Variants in NCKAP5 observed in about 807,000 individuals in gnomAD.
The protein encoded by NCKAP5 is NCK associated protein 5.
Under a neutral mutation model 167.0 loss-of-function variants are expected in NCKAP5, and 92 were observed. The observed-to-expected ratio is 0.55, with a 90% confidence interval of 0.47 to 0.66. The LOEUF is 0.66. Ranked by LOEUF, NCKAP5 falls within the 30% of genes least tolerant of loss-of-function variation. The pLI is 0.00. For synonymous variants in NCKAP5, 891 were observed against 877.4 expected (o/e 1.02, Z -0.27); for missense variants, 2,378 against 2,315.0 (o/e 1.03, Z -0.56).
At chr2:133,599,806 G>T in the NCKAP5 span, among the ~76,000 whole-genome samples, 1 of 152,212 alleles carries the variant, frequency 6.6e-6, no homozygotes, top group Non-Finnish European at 1.5e-5. Flanking sequence ...GTCCGCCTGG[G>T]AACCCTGTCT....
chr2:133,121,487 C>T (rs2082249536), intron 6 of NCKAP5, among the ~76,000 whole-genome samples: 1 of 152,102 alleles, frequency 6.6e-6, no homozygotes, highest in African/African-American at 2.4e-5. Flanking sequence ...CCTTTCTTGA[C>T]CTAGCGTTGG....
At chr2:132,895,996 G>A (rs191822237) in intron 8 of NCKAP5, among the ~76,000 whole-genome samples, 10 of 152,170 alleles carry the variant, frequency 6.6e-5, no homozygotes, top group African/African-American at 1.4e-4. Flanking sequence ...TTAGCTGGGC[G>A]TGGTGGGAAG....
chr2:132,842,534 C>A (rs1035963533), intron 11 of NCKAP5, among the ~76,000 whole-genome samples: 2 of 151,668 alleles, frequency 1.3e-5, no homozygotes, highest in Non-Finnish European at 2.9e-5. Flanking sequence ...GGATATCCAA[C>A]TTCCATTTTT....
intron 6 of NCKAP5, among the ~76,000 whole-genome samples, chr2:133,047,395 C>A (rs781530389): frequency 3.3e-5 from 5 of 152,200 alleles, no homozygotes; most frequent in Non-Finnish European, 5.9e-5. Flanking sequence ...GACTGGCAAT[C>A]ATCCTTAAAA....
chr2:133,297,967 A>G (rs1476338926), intron 4 of NCKAP5, among the ~76,000 whole-genome samples: 2 of 152,212 alleles, frequency 1.3e-5, no homozygotes, highest in Non-Finnish European at 2.9e-5. Context: ...TGTGAACATG[A>G]CATGCTATTC....
intron 6 of NCKAP5, among the ~76,000 whole-genome samples, chr2:133,112,485 A>C (rs1307386300): frequency 6.6e-6 from 1 of 152,164 alleles, no homozygotes; most frequent in Non-Finnish European, 1.5e-5. Context: ...AAAAAAAAAA[A>C]AGTATGCTGT....
At chr2:133,184,337 T>C (rs1173895812) in intron 5 of NCKAP5, among the ~76,000 whole-genome samples, 1 of 152,196 alleles carries the variant, frequency 6.6e-6, no homozygotes, top group Non-Finnish European at 1.5e-5. Flanking sequence ...ACGGTGTATA[T>C]GTATCATCTT....
chr2:132,757,138 G>A (rs1680619276), intron 16 of NCKAP5, among the ~76,000 whole-genome samples: 1 of 152,144 alleles, frequency 6.6e-6, no homozygotes, highest in South Asian at 2.1e-4. Flanking sequence ...TCAGCTGCAA[G>A]AAAGTGGCAA....
At chr2:133,594,220 G>A in the NCKAP5 span, among the ~76,000 whole-genome samples, 1 of 152,192 alleles carries the variant, frequency 6.6e-6, no homozygotes, top group South Asian at 2.1e-4. Flanking sequence ...TGGTTAGGTG[G>A]CTGGGTTACC....
At position 132,747,171 on chromosome 2, in the gene NCKAP5, C is replaced by CAAAAA. The variant is rs140348727; in HGVS notation, c.5129-15125_5129-15121dup. The stretch of plus-strand genomic sequence containing the variant: ...TTTAAACATTTTATACTCAGCCTGC[C>CAAAAA]AAAAAAAAAAAACAAAACAAAGAAA... On this transcript the variant is annotated intron_variant, in intron 16 of 19. Coordinates refer to ENST00000409261, the MANE Select transcript of NCKAP5 (RefSeq NM_207363.3). Among the ~76,000 whole-genome samples the CAAAAA allele has an allele frequency of 4.5e-3, 560 of 124,170 alleles. 1 individual carries two copies. The highest frequency in any genetic ancestry group is 0.012 in the African/African-American group (392 of 31,782). 81.5% of individuals were successfully genotyped at this position (124,170 alleles called of 152,430 possible).
At chr2:133,265,672 G>A (rs1157470579) in intron 4 of NCKAP5, among the ~76,000 whole-genome samples, 1 of 152,016 alleles carries the variant, frequency 6.6e-6, no homozygotes. Flanking sequence ...GGGCAGACAA[G>A]GTCAGGGATC....
chr2:133,389,571 A>G (rs1687250947), intron 3 of NCKAP5, among the ~76,000 whole-genome samples: 1 of 152,240 alleles, frequency 6.6e-6, no homozygotes, highest in Non-Finnish European at 1.5e-5. Flanking sequence ...CTCTTGCTCT[A>G]TATCATAGTC....
At chr2:133,545,305 C>T (rs1038404264) in intron 2 of NCKAP5, among the ~76,000 whole-genome samples, 1 of 152,086 alleles carries the variant, frequency 6.6e-6, no homozygotes. Context: ...GATGCAGAAA[C>T]AGCCAAGTTG....
intron 7 of NCKAP5, among the ~76,000 whole-genome samples, chr2:132,981,723 C>T (rs191627190): frequency 2.7e-4 from 41 of 152,210 alleles, no homozygotes; most frequent in Admixed American, 7.9e-4. Flanking sequence ...CCTAAATTCC[C>T]GTTTTCTGAG....
At chr2:133,172,139 A>G (rs557516910) in intron 5 of NCKAP5, among the ~76,000 whole-genome samples, 1 of 152,360 alleles carries the variant, frequency 6.6e-6, no homozygotes, top group South Asian at 2.1e-4. Context: ...AAAAATGTAG[A>G]TAACCTTACA....
At chr2:133,384,952 T>A (rs1445180708) in intron 3 of NCKAP5, among the ~76,000 whole-genome samples, 5 of 152,162 alleles carry the variant, frequency 3.3e-5, no homozygotes, top group African/African-American at 1.2e-4. Flanking sequence ...TTGGGCTAAG[T>A]CGATGGGGTT....
chr2:132,705,410 T>C (rs1688269947), intron 19 of NCKAP5, among the ~76,000 whole-genome samples: 1 of 152,136 alleles, frequency 6.6e-6, no homozygotes, highest in Non-Finnish European at 1.5e-5. Context: ...CCCCTATCAT[T>C]CTACTAATAA....
chr2:133,508,165 G>C (rs1028370389), intron 3 of NCKAP5, among the ~76,000 whole-genome samples: 3 of 152,144 alleles, frequency 2.0e-5, no homozygotes, highest in Non-Finnish European at 4.4e-5. Context: ...CCTTGCTTAG[G>C]GTCTTGGCAA....
intron 3 of NCKAP5, among the ~76,000 whole-genome samples, chr2:133,345,975 A>G (rs1683950099): frequency 6.6e-6 from 1 of 152,224 alleles, no homozygotes; most frequent in Non-Finnish European, 1.5e-5. Flanking sequence ...TGAGGACAGC[A>G]AGAAGCAGCA....
Sources: allele counts gnomAD v4.1 joint callset (sites outside exome capture counted in the v4.1 genomes callset), GRCh38; gene constraint gnomAD v4.1.1; transcripts MANE v1.5; gene names NCBI Gene and HGNC (gene_info 2026-07-23, HGNC 2026-07-21).